The following PRKCB variants were observed in gnomAD, a reference collection of about 807,000 sequenced individuals.
The protein encoded by PRKCB is protein kinase C beta type.
PRKCB carries 13 observed loss-of-function variants against 81.5 expected under a neutral mutation model. The ratio of observed to expected loss-of-function variants is 0.16; its 90% CI spans 0.10 to 0.25. The LOEUF (loss-of-function observed/expected upper bound fraction) is 0.25, where lower values mean the gene tolerates loss of function less well. Ranked by LOEUF, PRKCB falls within the 10% of genes least tolerant of loss-of-function variation. The pLI is 1.00. For synonymous variants in PRKCB, 335 were observed against 321.4 expected (o/e 1.04, Z -0.45); for missense variants, 509 against 875.7 (o/e 0.58, Z 5.29).
rs143395217 is a variant in PRKCB, at chr16:23,946,601, A to G, written c.206-41907A>G. 3.4e-5 allele frequency among the ~76,000 whole-genome samples: 5 copies of G among 147,102 alleles called. No homozygotes were observed. The East Asian group carries it at 9.6e-4, about 28-fold the overall frequency. ...TAACGTAGTGTCAGACACATAATAG[A>G]TCCAGAGAAATGCTGATTCTTAGCA... On this transcript the variant is annotated intron_variant, in intron 2 of 16. Transcript: ENST00000643927.
At chr16:23,980,334 C>T (rs535946038) in intron 2 of PRKCB, among the ~76,000 whole-genome samples, 60 of 152,308 alleles carry the variant, frequency 3.9e-4, no homozygotes, top group Middle Eastern at 3.4e-3. Context: ...GAGTTTAATG[C>T]GGATAAGTCT....
At chr16:23,964,422 T>C (rs1485620770) in intron 2 of PRKCB, among the ~76,000 whole-genome samples, 1 of 152,248 alleles carries the variant, frequency 6.6e-6, no homozygotes, top group East Asian at 1.9e-4. Flanking sequence ...ACAGAGACCA[T>C]GTGGCCTGCA....
intron 7 of PRKCB, among the ~76,000 whole-genome samples, chr16:24,101,306 G>T (rs1413666190): frequency 6.6e-6 from 1 of 152,178 alleles, no homozygotes; most frequent in Non-Finnish European, 1.5e-5. Context: ...CCGCACTTTG[G>T]GAGTGCCAAG....
At chr16:24,204,074 A>C (rs1968006242) in intron 16 of PRKCB, among the ~76,000 whole-genome samples, 1 of 152,074 alleles carries the variant, frequency 6.6e-6, no homozygotes, top group Non-Finnish European at 1.5e-5. Context: ...AAGCCAGAGC[A>C]CAGCCCTGTC....
At chr16:24,135,369 G>A (rs1966861515) in intron 9 of PRKCB, among the ~76,000 whole-genome samples, 1 of 147,492 alleles carries the variant, frequency 6.8e-6, no homozygotes, top group African/African-American at 2.5e-5. Context: ...GCCCAGGCTG[G>A]AGTGCAGTGG....
chr16:24,053,106 T>C (rs1876331406), intron 5 of PRKCB, among the ~76,000 whole-genome samples: 1 of 152,234 alleles, frequency 6.6e-6, no homozygotes, highest in Non-Finnish European at 1.5e-5. Context: ...AGGTTTTAAT[T>C]CTCTGATGTG....
At chr16:23,965,408 C>T (rs56006396) in intron 2 of PRKCB, among the ~76,000 whole-genome samples, 47,068 of 152,120 alleles carry the variant, frequency 0.31, 7,652 homozygotes, top group East Asian at 0.49. Flanking sequence ...TGGGCACCTC[C>T]GTTGATTTCT....
At chr16:24,106,238 T>C (rs1966577328) in intron 7 of PRKCB, among the ~76,000 whole-genome samples, 1 of 152,222 alleles carries the variant, frequency 6.6e-6, no homozygotes, top group Non-Finnish European at 1.5e-5. Context: ...GTTTCCTCAT[T>C]TGGAGATAAT....
intron 7 of PRKCB, among the ~76,000 whole-genome samples, chr16:24,109,002 C>CGGGATGGGG (rs1966624530): frequency 6.7e-6 from 1 of 148,868 alleles, no homozygotes; most frequent in African/African-American, 2.5e-5. Flanking sequence ...CACCTCCCTC[C>CGGGATGGGG]CGGACGGGGC....
At chr16:24,141,221 G>A (rs940872276) in intron 9 of PRKCB, among the ~76,000 whole-genome samples, 1 of 152,112 alleles carries the variant, frequency 6.6e-6, no homozygotes, top group Non-Finnish European at 1.5e-5. Flanking sequence ...TTGAGACAGA[G>A]TCTCCCTCTG....
At chr16:24,018,913 A>G (rs1456990224) in intron 3 of PRKCB, among the ~76,000 whole-genome samples, 5 of 152,276 alleles carry the variant, frequency 3.3e-5, no homozygotes, top group Non-Finnish European at 7.4e-5. Flanking sequence ...CCGTCCACTC[A>G]GTCTCAATTA....
At chr16:24,115,947 G>A (rs1362129521) in intron 8 of PRKCB, among the ~76,000 whole-genome samples, 5 of 151,780 alleles carry the variant, frequency 3.3e-5, no homozygotes, top group African/African-American at 4.8e-5. Flanking sequence ...GGATGGTCTC[G>A]ATCTCCTGAC....
rs1450642940 is a variant in PRKCB, at chr16:24,217,408, G to A, written c.*2592G>A. On this transcript the variant is annotated 3_prime_UTR_variant, in exon 17 of 17. Transcript: ENST00000643927. ...GAGAGGACAGGGCCATAGCAACAAG[G>A]ACCTTCTTGGGGGATTAATGGGAGG... 9 of 985,396 alleles carry A rather than the reference G, an allele frequency of 9.1e-6. No homozygotes were observed. The highest frequency in any genetic ancestry group is 1.1e-5 in the Non-Finnish European group (9 of 829,928). The allele number at this position is 985,396 out of a possible 1,614,324, so 61.0% of individuals were successfully genotyped here.
chr16:23,882,638 G>A (rs1288695436), intron 2 of PRKCB, among the ~76,000 whole-genome samples: 1 of 152,120 alleles, frequency 6.6e-6, no homozygotes, highest in African/African-American at 2.4e-5. Flanking sequence ...ATATTCCATT[G>A]TATGAATAGG....
intron 2 of PRKCB, chr16:23,963,665 A>AC (rs1964453099): frequency 1.3e-5 from 2 of 152,138 alleles, no homozygotes; most frequent in South Asian, 4.1e-4. Flanking sequence ...GTGATGTGTC[A>AC]CCAGCACTTG....
At chr16:23,844,114 C>T (rs1962319430) in intron 2 of PRKCB, among the ~76,000 whole-genome samples, 1 of 152,316 alleles carries the variant, frequency 6.6e-6, no homozygotes, top group African/African-American at 2.4e-5. Context: ...TTTAACTCTG[C>T]AGTTCAATTA....
At chr16:24,040,452 T>TC (rs549970249) in intron 5 of PRKCB, among the ~76,000 whole-genome samples, 67 of 152,228 alleles carry the variant, frequency 4.4e-4, no homozygotes, top group African/African-American at 1.5e-3. Context: ...TCCTCCAACT[T>TC]CCCCCTTTCG....
In PRKCB at chr16:23,837,178, G is replaced by A. The variant is rs79163931; in HGVS notation, c.174-197G>A. On this transcript the variant is annotated intron_variant, in intron 1 of 16. Transcript: ENST00000643927. The stretch of plus-strand genomic sequence containing the variant: ...GGTCGCAGCCTCCTCTCTTCTGCAG[G>A]AGTGAAGGCAGATGGGGGTTACAGC... 4,930 of 709,194 alleles carry A rather than the reference G, an allele frequency of 7.0e-3. 209 individuals carry two copies. In the African/African-American group the frequency reaches 0.08, roughly 11 times the overall value. The allele number at this position is 709,194 out of a possible 1,614,324, so 43.9% of individuals were successfully genotyped here. A position where few individuals can be genotyped will look rare whatever the true frequency, so the allele number is the denominator to read the frequency against.
chr16:23,890,976 A>G (rs1963284022), intron 2 of PRKCB, among the ~76,000 whole-genome samples: 2 of 150,448 alleles, frequency 1.3e-5, no homozygotes, highest in Admixed American at 1.3e-4. Flanking sequence ...GAAAAAACTG[A>G]AGGAACATTA....
Sources: allele counts gnomAD v4.1 joint callset (sites outside exome capture counted in the v4.1 genomes callset), GRCh38; gene constraint gnomAD v4.1.1; transcripts MANE v1.5; gene names NCBI Gene and HGNC (gene_info 2026-07-23, HGNC 2026-07-21).